MAP7D2: variants seen among roughly 807,000 people sequenced by gnomAD.
The protein encoded by MAP7D2 is MAP7 domain containing 2.
MAP7D2 carries 33 observed loss-of-function variants against 63.5 expected under a neutral mutation model. The observed-to-expected ratio is 0.52, with a 90% CI of 0.39 to 0.70. The LOEUF is 0.70. Ranked by LOEUF, MAP7D2 falls within the 30% of genes least tolerant of loss-of-function variation. MAP7D2 has a pLI of 0.00. For missense variants in MAP7D2, 626 were observed against 604.0 expected (o/e 1.04, Z -0.38); for synonymous variants, 224 against 223.7 (o/e 1.00, Z -0.01).
chrX:20,093,593 G>A (rs2066127797), intron 1 of MAP7D2, among the ~76,000 whole-genome samples: 1 of 110,879 alleles, frequency 9.0e-6, no homozygotes, highest in African/African-American at 3.3e-5. Flanking sequence ...GGAGGCAGAG[G>A]TTGTAGCGAG....
chrX:20,086,612 AG>A (rs1432902584), intron 1 of MAP7D2, among the ~76,000 whole-genome samples: 3 of 111,426 alleles, frequency 2.7e-5, no homozygotes, highest in Non-Finnish European at 5.7e-5. Flanking sequence ...AAAAGCCATA[AG>A]TTTAGTTGTT....
In MAP7D2 at chrX:20,053,200, A is replaced by T. The variant is rs768881877; in HGVS notation, c.485-212T>A. Among the ~76,000 whole-genome samples the T allele has an allele frequency of 2.8e-4, 31 of 112,346 alleles. No homozygotes were observed. In the South Asian group the frequency reaches 0.011, roughly 39 times the overall value. ...CTTGGTCTGCAGCAAAATCTCTGCAACTTCTTCACTGTGTTGTCATCTTCA... is the reference window on the plus strand; with the variant it reads ...CTTGGTCTGCAGCAAAATCTCTGCATCTTCTTCACTGTGTTGTCATCTTCA... On this transcript the variant is annotated intron_variant, in intron 4 of 16. Coordinates refer to ENST00000379643, the MANE Select transcript of MAP7D2 (RefSeq NM_001168465.2).
At chrX:20,101,014 T>G (rs1603406198) in intron 1 of MAP7D2, among the ~76,000 whole-genome samples, 1 of 86,343 alleles carries the variant, frequency 1.2e-5, no homozygotes, top group Admixed American at 1.3e-4. Context: ...AGAGTAAAAC[T>G]CCGTCTCAAA....
In MAP7D2 at chrX:20,049,937, T is replaced by C. The variant is rs1383134491; in HGVS notation, c.718+887A>G. The C allele has an allele frequency of 2.1e-5, 6 of 289,795 alleles. No homozygotes were observed. The East Asian group carries it at 4.4e-4, about 21-fold the overall frequency. The allele number at this position is 289,795 out of a possible 1,213,427, so 23.9% of individuals were successfully genotyped here. On this transcript the variant is annotated intron_variant, in intron 6 of 16. Coordinates refer to ENST00000379643, the MANE Select transcript of MAP7D2 (RefSeq NM_001168465.2). Reference sequence around the variant, plus strand: ...TGATTTGCATTTCCCTAATGATTAATGATGTTGAGCATCTTATGAACCTAT... The same window carrying C: ...TGATTTGCATTTCCCTAATGATTAACGATGTTGAGCATCTTATGAACCTAT...
intron 8 of MAP7D2, among the ~76,000 whole-genome samples, chrX:20,042,119 T>C (rs1206627707): frequency 9.0e-6 from 1 of 111,365 alleles, no homozygotes; most frequent in African/African-American, 3.3e-5. Context: ...ATTGTCTCTC[T>C]ATTAAAGAGA....
chrX:20,038,101 T>C (rs2064547867), intron 8 of MAP7D2, among the ~76,000 whole-genome samples: 2 of 111,859 alleles, frequency 1.8e-5, no homozygotes. Flanking sequence ...TATGCACCAT[T>C]CCTCAAGGTG....
chrX:20,094,885 T>C (rs1451509316), intron 1 of MAP7D2, among the ~76,000 whole-genome samples: 1 of 108,236 alleles, frequency 9.2e-6, no homozygotes, highest in Non-Finnish European at 1.9e-5. Context: ...TTATACATAA[T>C]CCTGAAAGCT....
intron 3 of MAP7D2, among the ~76,000 whole-genome samples, chrX:20,059,585 AGGGT>A (rs1243821293): frequency 2.0e-5 from 2 of 97,762 alleles, no homozygotes; most frequent in African/African-American, 8.6e-5. Flanking sequence ...GCTTAGTGGA[AGGGT>A]GGAAGGAAGG....
At chrX:20,026,935 C>A (rs767178379) in intron 8 of MAP7D2, among the ~76,000 whole-genome samples, 16 of 112,206 alleles carry the variant, frequency 1.4e-4, no homozygotes, top group Non-Finnish European at 2.6e-4. Flanking sequence ...CAGGTTGAAC[C>A]ATGAATTGCT....
intron 1 of MAP7D2, among the ~76,000 whole-genome samples, chrX:20,069,765 C>G (rs1243293241): frequency 2.0e-5 from 2 of 100,619 alleles, no homozygotes. Context: ...TACATGGGCT[C>G]TCTCTGTAAT....
chrX:20,068,459 T>C (rs922298143), intron 1 of MAP7D2, among the ~76,000 whole-genome samples: 1 of 112,297 alleles, frequency 8.9e-6, no homozygotes, highest in Non-Finnish European at 1.9e-5. Flanking sequence ...TGCTTAATTG[T>C]TGAGCAAACA....
intron 1 of MAP7D2, among the ~76,000 whole-genome samples, chrX:20,070,261 CTTATTTATTTATTTATTTAT>C (rs34768588): frequency 4.9e-5 from 5 of 102,996 alleles, no homozygotes; most frequent in African/African-American, 1.8e-4. Context: ...CAATTTTTTT[CTTATTTATTTATTTATTTAT>C]TTATTTATTT....
chrX:20,094,319 T>C (rs868602980), intron 1 of MAP7D2, among the ~76,000 whole-genome samples: 1 of 102,751 alleles, frequency 9.7e-6, no homozygotes, highest in Admixed American at 1.1e-4. Context: ...ATTTGTGAGG[T>C]TCTTCAACAT....
chrX:20,046,050 G>A (rs1326113914), intron 6 of MAP7D2, among the ~76,000 whole-genome samples: 1 of 111,982 alleles, frequency 8.9e-6, no homozygotes, highest in Admixed American at 9.5e-5. Flanking sequence ...CCAAATATTA[G>A]AACCAGAACA....
At chrX:20,068,904 G>T (rs1188528244) in intron 1 of MAP7D2, among the ~76,000 whole-genome samples, 4 of 111,715 alleles carry the variant, frequency 3.6e-5, no homozygotes, top group African/African-American at 1.3e-4. Context: ...GAGATCTGAT[G>T]ATTTTATTTC....
At chrX:20,042,828 G>T (rs137952875) in intron 7 of MAP7D2, among the ~76,000 whole-genome samples, 199 bp from the exon 8 acceptor site, 9 of 112,173 alleles carry the variant, frequency 8.0e-5, no homozygotes, top group Admixed American at 1.9e-4. Context: ...AAAAAAATCA[G>T]CCTCAAAATG....
intron 8 of MAP7D2, among the ~76,000 whole-genome samples, chrX:20,034,429 C>A (rs2074154666): frequency 9.1e-6 from 1 of 109,927 alleles, no homozygotes; most frequent in African/African-American, 3.3e-5. Context: ...CCCCCAGCTT[C>A]TCCTTCCCTT....
At chrX:20,056,898 G>T in intron 3 of MAP7D2, 107 bp from the exon 4 acceptor site, 1 of 695,240 alleles carries the variant, frequency 1.4e-6, no homozygotes. Context: ...GGCTTTCTGT[G>T]CTCAGCATCC....
intron 1 of MAP7D2, 179 bp downstream of exon 1, chrX:20,116,571 A>AG (rs1472242515): frequency 1.1e-6 from 1 of 948,579 alleles, no homozygotes; most frequent in African/African-American, 2.1e-5. Flanking sequence ...TCGCACAGAG[A>AG]GGGGTGCGGC....
Sources: allele counts gnomAD v4.1 joint callset (sites outside exome capture counted in the v4.1 genomes callset), GRCh38; gene constraint gnomAD v4.1.1; transcripts MANE v1.5; gene names NCBI Gene and HGNC (gene_info 2026-07-23, HGNC 2026-07-21).